ANKS1B: variants seen among roughly 807,000 people sequenced by gnomAD.
ANKS1B encodes the protein ankyrin repeat and sterile alpha motif domain containing 1B, also known as ankyrin repeat and sterile alpha motif domain-containing protein 1B.
ANKS1B carries 36 observed loss-of-function variants against 148.3 expected under a neutral mutation model. That is an observed-to-expected ratio of 0.24 (90% CI 0.19 to 0.32). The LOEUF is 0.32. ANKS1B is among the 10% of genes least tolerant of loss of function. ANKS1B has a pLI of 1.00. For synonymous variants in ANKS1B, 542 were observed against 560.8 expected (o/e 0.97, Z 0.47); for missense variants, 1,157 against 1,542.6 (o/e 0.75, Z 4.19).
At chr12:99,488,259 G>T (rs1042084165) in intron 10 of ANKS1B, among the ~76,000 whole-genome samples, 5 of 152,006 alleles carry the variant, frequency 3.3e-5, no homozygotes, top group African/African-American at 1.2e-4. Context: ...AAAGCATATA[G>T]CAAGAATTTT....
chr12:99,523,697 C>G (rs555688120), intron 9 of ANKS1B, among the ~76,000 whole-genome samples: 1 of 151,624 alleles, frequency 6.6e-6, no homozygotes, highest in Admixed American at 6.6e-5. Context: ...GGACCACAGG[C>G]GCCCGCCACC....
intron 16 of ANKS1B, among the ~76,000 whole-genome samples, chr12:99,067,956 G>A (rs1285845374): frequency 6.6e-6 from 1 of 151,970 alleles, no homozygotes; most frequent in African/African-American, 2.4e-5. Context: ...ACAATGGAGT[G>A]ACTAAGAATC....
rs914724166 is a variant in ANKS1B at position 98,745,067 on chromosome 12, G to A, written c.*672C>T. 2 of 985,370 alleles carry A rather than the reference G, an allele frequency of 2.0e-6. No individual in the cohort carries two copies. Among genetic ancestry groups the A allele is most frequent in the Admixed American group, 6.2e-5 (1 of 16,258 alleles). 61.0% of individuals were successfully genotyped at this position (985,370 alleles called of 1,614,324 possible). On this transcript the variant is annotated 3_prime_UTR_variant, in exon 27 of 27. Coordinates refer to ENST00000683438, the MANE Select transcript of ANKS1B (RefSeq NM_001352186.2). ...AAATATTTAATACAAGACACATTTT[G>A]CTGTGCATAATAAATTCCTCTGCTT...
chr12:99,969,505 T>C (rs2095532638), intron 1 of ANKS1B, among the ~76,000 whole-genome samples: 1 of 152,072 alleles, frequency 6.6e-6, no homozygotes, highest in Admixed American at 6.6e-5. Flanking sequence ...ATAGTGAAAA[T>C]AACTGACAAG....
intron 1 of ANKS1B, among the ~76,000 whole-genome samples, chr12:99,904,086 T>C (rs1485855962): frequency 6.6e-6 from 1 of 152,172 alleles, no homozygotes; most frequent in African/African-American, 2.4e-5. Context: ...CATGCCCTTG[T>C]AGGATTTCAT....
chr12:99,415,738 T>C (rs7316646), intron 11 of ANKS1B, among the ~76,000 whole-genome samples: 62,881 of 151,544 alleles, frequency 0.41, 13,550 homozygotes, highest in African/African-American at 0.53. Flanking sequence ...GGCTGGAGTG[T>C]AGTGGTGAGA....
At chr12:99,084,304 T>C (rs137987329) in intron 16 of ANKS1B, among the ~76,000 whole-genome samples, 5 of 152,282 alleles carry the variant, frequency 3.3e-5, no homozygotes, top group African/African-American at 1.2e-4. Context: ...TTCTTGAACC[T>C]GAGCTGCCAC....
At chr12:98,972,629 T>C (rs895559489) in intron 17 of ANKS1B, among the ~76,000 whole-genome samples, 16 of 152,182 alleles carry the variant, frequency 1.1e-4, no homozygotes, top group African/African-American at 3.9e-4. Flanking sequence ...TGTGCATTCG[T>C]GTAAAAGCAT....
In ANKS1B at chr12:99,279,081, A is replaced by G. The variant is rs185656269; in HGVS notation, c.1757-32217T>C. ...CTGAAATGGTGTAGGCCCTCACCAC[A>G]TGCCCATTCACTGACTCGTTGACTC... is the stretch of plus-strand genomic sequence containing the variant. On this transcript the variant is annotated intron_variant, in intron 12 of 26. Coordinates refer to ENST00000683438, the MANE Select transcript of ANKS1B (RefSeq NM_001352186.2). Among the ~76,000 whole-genome samples the G allele has an allele frequency of 7.8e-3, 1,183 of 152,194 alleles. 16 individuals are homozygous for G. The highest frequency in any genetic ancestry group is 0.027 in the African/African-American group (1,105 of 41,526).
chr12:98,964,343 T>C (rs760169966), intron 17 of ANKS1B, among the ~76,000 whole-genome samples: 1 of 152,194 alleles, frequency 6.6e-6, no homozygotes, highest in Non-Finnish European at 1.5e-5. Flanking sequence ...TCGTACACTG[T>C]TGGTGGGAAT....
At chr12:99,469,123 A>C (rs1307346791) in intron 10 of ANKS1B, among the ~76,000 whole-genome samples, 1 of 152,100 alleles carries the variant, frequency 6.6e-6, no homozygotes, top group East Asian at 1.9e-4. Flanking sequence ...AAAAAGGATG[A>C]GTTCATGTCC....
chr12:99,425,746 T>A (rs528743026), intron 11 of ANKS1B, among the ~76,000 whole-genome samples: 2 of 152,098 alleles, frequency 1.3e-5, no homozygotes, highest in Admixed American at 6.5e-5. Flanking sequence ...TTATATTGTT[T>A]GTCCATTTTC....
At chr12:98,781,035 G>A in intron 24 of ANKS1B, 82 bp downstream of exon 24, 2 of 823,640 alleles carry the variant, frequency 2.4e-6, no homozygotes, top group Non-Finnish European at 3.9e-6. Context: ...GGAGTGCTGG[G>A]TATTATAGGA....
rs2098085898 is a variant in ANKS1B at position 98,751,340 on chromosome 12, A to G, written c.3747+15T>C. On this transcript the variant is annotated intron_variant, in intron 26 of 26. Coordinates refer to ENST00000683438, the MANE Select transcript of ANKS1B (RefSeq NM_001352186.2). This position sits in a 1 kb window ranked among gnomAD's most constrained non-coding sequence, Gnocchi z 4.3. Reference sequence around the variant, plus strand: ...GTTCAAGGTTTTTTAGAACATCTGTATCGTTTCTACTTACCACGGACTTGC... The same window carrying G: ...GTTCAAGGTTTTTTAGAACATCTGTGTCGTTTCTACTTACCACGGACTTGC... The G allele has an allele frequency of 1.2e-6, 2 of 1,612,658 alleles. No homozygotes were observed. Among genetic ancestry groups the G allele is most frequent in the Non-Finnish European group, 8.5e-7 (1 of 1,179,508 alleles).
chr12:99,665,845 T>A (rs942421477), intron 8 of ANKS1B, among the ~76,000 whole-genome samples: 1 of 152,196 alleles, frequency 6.6e-6, no homozygotes, highest in Non-Finnish European at 1.5e-5. Flanking sequence ...ATTCTAGACA[T>A]ACCTCCTTTG....
intron 11 of ANKS1B, among the ~76,000 whole-genome samples, chr12:99,409,878 T>G (rs907251510): frequency 1.3e-5 from 2 of 152,236 alleles, no homozygotes; most frequent in Admixed American, 6.5e-5. Context: ...TTCACTGAAA[T>G]TACATATTGA....
intron 1 of ANKS1B, among the ~76,000 whole-genome samples, chr12:99,970,078 C>T (rs1430437692): frequency 1.3e-5 from 2 of 152,164 alleles, no homozygotes; most frequent in South Asian, 4.1e-4. Context: ...TATTAAGTAA[C>T]AACAGTATAT....
At chr12:98,752,403 C>CA (rs1273837402) in intron 25 of ANKS1B, among the ~76,000 whole-genome samples, 1 of 152,024 alleles carries the variant, frequency 6.6e-6, no homozygotes, top group African/African-American at 2.4e-5. Flanking sequence ...GGACTACAGG[C>CA]ACGTGCCACC....
chr12:99,073,056 A>G lies in ANKS1B; in HGVS notation c.2625+11869T>C, dbSNP rs566106017. Among the ~76,000 whole-genome samples, 4 of 152,372 alleles carry G rather than the reference A, an allele frequency of 2.6e-5. No homozygotes were observed. The South Asian group carries it at 8.3e-4, about 32-fold the overall frequency. On this transcript the variant is annotated intron_variant, in intron 16 of 26. Coordinates refer to ENST00000683438, the MANE Select transcript of ANKS1B (RefSeq NM_001352186.2). The stretch of plus-strand genomic sequence containing the variant: ...TACCTTTTTTCTTGGTTCAGCTTCA[A>G]ACCTTCTTTTTAAAAGTGTATTTAA...
Sources: allele counts gnomAD v4.1 joint callset (sites outside exome capture counted in the v4.1 genomes callset), GRCh38; gene constraint gnomAD v4.1.1; non-coding constraint Gnocchi (gnomAD v3.1); transcripts MANE v1.5; gene names NCBI Gene and HGNC (gene_info 2026-07-23, HGNC 2026-07-21).